DPYSL5: variants seen among roughly 807,000 people sequenced by gnomAD.
DPYSL5 encodes dihydropyrimidinase like 5.
Under a neutral mutation model 58.4 loss-of-function variants are expected in DPYSL5, and 9 were observed. The ratio of observed to expected loss-of-function variants is 0.15; its 90% CI spans 0.09 to 0.27. DPYSL5 has a LOEUF of 0.27. DPYSL5 is among the 10% of genes least tolerant of loss of function. The pLI is 1.00. For synonymous variants in DPYSL5, 293 were observed against 301.9 expected (o/e 0.97, Z 0.31); for missense variants, 499 against 770.6 (o/e 0.65, Z 4.17).
At position 26,905,084 on chromosome 2, in the gene DPYSL5, C is replaced by A. The variant is rs1388771500; in HGVS notation, c.261+6324C>A. Among the ~76,000 whole-genome samples, 1 of 152,168 alleles carries A rather than the reference C, an allele frequency of 6.6e-6. No homozygotes were observed. Among genetic ancestry groups the A allele is most frequent in the Non-Finnish European group, 1.5e-5 (1 of 68,034 alleles). ...CTTGGTTGGCTGTATGCAAATATTT[C>A]TCTTGCTATTCTGTGGCCCCAAATT... On this transcript the variant is annotated intron_variant, in intron 2 of 12. Transcript: ENST00000288699. The surrounding 1 kb of genome is among the most constrained non-coding windows in gnomAD (Gnocchi z 4.0).
chr2:26,930,801 T>C (rs1664950360), intron 5 of DPYSL5, among the ~76,000 whole-genome samples: 1 of 151,912 alleles, frequency 6.6e-6, no homozygotes, highest in South Asian at 2.1e-4. Flanking sequence ...GGTGAAATCC[T>C]GTCTCTACTA....
chr2:26,884,520 TCACACACACACACACACACA>T (rs3070961), intron 1 of DPYSL5, among the ~76,000 whole-genome samples: 1 of 145,530 alleles, frequency 6.9e-6, no homozygotes. Context: ...TTGTCCTATC[TCACACACACACACACACACA>T]CACACACACA....
chr2:26,903,016 C>G (rs1664198222), intron 2 of DPYSL5, among the ~76,000 whole-genome samples: 1 of 152,102 alleles, frequency 6.6e-6, no homozygotes, highest in African/African-American at 2.4e-5. Context: ...AACCAGCAGC[C>G]CTGGAGCTGC....
chr2:26,903,130 C>A (rs1229849736), intron 2 of DPYSL5, among the ~76,000 whole-genome samples: 1 of 150,906 alleles, frequency 6.6e-6, no homozygotes, highest in Non-Finnish European at 1.5e-5. Context: ...AGTGCAATGG[C>A]GAGATCTCAG....
Position 26,934,433 on chromosome 2 carries a change from T to G in DPYSL5, c.791-145T>G. The G allele has an allele frequency of 1.0e-6, 1 of 954,062 alleles. No individual in the cohort carries two copies. The highest frequency in any genetic ancestry group is 1.5e-6 in the Non-Finnish European group (1 of 654,348). The allele number at this position is 954,062 out of a possible 1,614,324, so 59.1% of individuals were successfully genotyped here. A position where few individuals can be genotyped will look rare whatever the true frequency, so the allele number is the denominator to read the frequency against. ...GAGGCTCTCTGGGCTTGAACCCAGC[T>G]GTGCTCTTAAAAGCCCTGTGAGCTT... On this transcript the variant is annotated intron_variant, in intron 7 of 12. Transcript: ENST00000288699. The surrounding 1 kb of genome is among the most constrained non-coding windows in gnomAD (Gnocchi z 4.3).
At chr2:26,906,503 A>G (rs1301869670) in intron 2 of DPYSL5, among the ~76,000 whole-genome samples, 4 of 151,988 alleles carry the variant, frequency 2.6e-5, no homozygotes, top group Admixed American at 2.6e-4. Flanking sequence ...TTATGAGCTC[A>G]CCTGATTAGC....
At position 26,876,255 on chromosome 2, in the gene DPYSL5, G is replaced by A. The variant is rs1159496548; in HGVS notation, c.-4-22241G>A. Reference sequence around the variant, plus strand: ...GGCCCTGGTGAACAGAATGGAGGAAGGGGGCCATTGACTACCCCTCCTGGA... The same window carrying A: ...GGCCCTGGTGAACAGAATGGAGGAAAGGGGCCATTGACTACCCCTCCTGGA... On this transcript the variant is annotated intron_variant, in intron 1 of 12. Coordinates refer to ENST00000288699, the MANE Select transcript of DPYSL5 (RefSeq NM_020134.4). 2.0e-5 allele frequency among the ~76,000 whole-genome samples: 3 copies of A among 152,152 alleles called. No individual in the cohort carries two copies. In the South Asian group the frequency reaches 6.2e-4, roughly 32 times the overall value.
intron 1 of DPYSL5, among the ~76,000 whole-genome samples, chr2:26,868,702 G>A (rs1484559799): frequency 2.6e-5 from 4 of 152,122 alleles, no homozygotes; most frequent in African/African-American, 4.8e-5. Flanking sequence ...TTTAACTACG[G>A]TGATTTCATA....
At chr2:26,899,105 T>G (rs976587820) in intron 2 of DPYSL5, among the ~76,000 whole-genome samples, 3 of 152,238 alleles carry the variant, frequency 2.0e-5, no homozygotes, top group Middle Eastern at 3.2e-3. Flanking sequence ...GGAGTGGGTT[T>G]GTCTGATGGG....
intron 1 of DPYSL5, among the ~76,000 whole-genome samples, chr2:26,874,958 C>T (rs1572680976): frequency 6.6e-6 from 1 of 152,206 alleles, no homozygotes; most frequent in East Asian, 1.9e-4. Flanking sequence ...TTCTTGCAAT[C>T]TAGAAACATG....
intron 1 of DPYSL5, among the ~76,000 whole-genome samples, chr2:26,850,543 TA>T (rs888187896): frequency 1.1e-4 from 17 of 150,308 alleles, no homozygotes; most frequent in African/African-American, 3.4e-4. Flanking sequence ...TGCCATTCAT[TA>T]AAAAAAAAGG....
chr2:26,898,772 G>C lies in DPYSL5; in HGVS notation c.261+12G>C, dbSNP rs1341118168. On this transcript the variant is annotated intron_variant, in intron 2 of 12. Coordinates refer to ENST00000288699, the MANE Select transcript of DPYSL5 (RefSeq NM_020134.4). This position sits in a 1 kb window ranked among gnomAD's most constrained non-coding sequence, Gnocchi z 6.1. ...ACCATGGGACCAAGGTAATGCTCCT[G>C]TTTGCCAAAGGTGGCTTCCTCTTTG... 1.3e-6 allele frequency: 2 copies of C among 1,593,572 alleles called. No homozygotes were observed. The highest frequency in any genetic ancestry group is 1.7e-6 in the Non-Finnish European group (2 of 1,166,738).
intron 3 of DPYSL5, among the ~76,000 whole-genome samples, chr2:26,926,791 GA>G (rs1431292477): frequency 6.6e-6 from 1 of 152,140 alleles, no homozygotes; most frequent in Non-Finnish European, 1.5e-5. Flanking sequence ...ATAATGTTAG[GA>G]ATATCCTAAC....
intron 8 of DPYSL5, among the ~76,000 whole-genome samples, chr2:26,937,941 A>G (rs1011039984): frequency 4.0e-5 from 6 of 151,886 alleles, no homozygotes; most frequent in Non-Finnish European, 8.8e-5. Flanking sequence ...CCTGACCTCA[A>G]CTGATCCACC....
At chr2:26,929,912 T>C (rs575056438) in intron 5 of DPYSL5, among the ~76,000 whole-genome samples, 2 of 152,374 alleles carry the variant, frequency 1.3e-5, no homozygotes, top group East Asian at 3.9e-4. Context: ...CATTCTCTAC[T>C]GTTTTAGAAG....
intron 1 of DPYSL5, among the ~76,000 whole-genome samples, chr2:26,885,228 G>T (rs575440650): frequency 1.3e-5 from 2 of 152,042 alleles, no homozygotes; most frequent in South Asian, 4.1e-4. Flanking sequence ...AAAAAAACCT[G>T]TCTCAGGAGC....
chr2:26,851,286 T>C (rs1665743545), intron 1 of DPYSL5, among the ~76,000 whole-genome samples: 1 of 48,462 alleles, frequency 2.1e-5, no homozygotes, highest in South Asian at 4.0e-4. Flanking sequence ...TTGCAGTCTG[T>C]TCCTCATGGC....
chr2:26,936,945 T>TA lies in DPYSL5; in HGVS notation c.947+2227dup, dbSNP rs55795892. On this transcript the variant is annotated intron_variant, in intron 8 of 12. Transcript: ENST00000288699. The stretch of plus-strand genomic sequence containing the variant: ...TGGGCAACAAGAGCAAGACTTCATT[T>TA]AAAAAAAAAAAAAAAAGCTTGTTTT... 3.4e-3 allele frequency among the ~76,000 whole-genome samples: 268 copies of TA among 77,880 alleles called. 8 individuals carry two copies. Among genetic ancestry groups the TA allele is most frequent in the Middle Eastern group, 0.016 (2 of 122 alleles). The allele number at this position is 77,880 out of a possible 152,430, so 51.1% of individuals were successfully genotyped here.
chr2:26,920,436 G>C (rs1664675381), intron 2 of DPYSL5, among the ~76,000 whole-genome samples: 1 of 152,104 alleles, frequency 6.6e-6, no homozygotes, highest in African/African-American at 2.4e-5. Context: ...TGGAGAAGTA[G>C]AAAAAATAAA....
Sources: allele counts gnomAD v4.1 joint callset (sites outside exome capture counted in the v4.1 genomes callset), GRCh38; gene constraint gnomAD v4.1.1; non-coding constraint Gnocchi (gnomAD v3.1); transcripts MANE v1.5; gene names NCBI Gene and HGNC (gene_info 2026-07-23, HGNC 2026-07-21).